Variants in UBR4 observed in about 807,000 individuals in gnomAD.
UBR4 encodes ubiquitin protein ligase E3 component n-recognin 4, also known as E3 ubiquitin-protein ligase UBR4.
A neutral mutation model predicts 575.6 loss-of-function variants in UBR4; 124 were observed. That is an observed-to-expected ratio of 0.22 (90% CI 0.19 to 0.25). UBR4 has a LOEUF of 0.25. UBR4 is among the 10% of genes least tolerant of loss of function. The pLI, the probability that UBR4 is intolerant of heterozygous loss-of-function variation, is 1.00. For missense variants in UBR4, 4,818 were observed against 6,478.8 expected, an observed-to-expected ratio of 0.74 and a Z score of 8.80; for synonymous variants, 2,455 against 2,473.7, an observed-to-expected ratio of 0.99 and a Z score of 0.22.
intron 1 of UBR4, among the ~76,000 whole-genome samples, chr1:19,204,188 G>A (rs951375048): frequency 9.9e-5 from 15 of 151,780 alleles, no homozygotes; most frequent in Non-Finnish European, 2.1e-4. Context: ...TTTTTTAGTA[G>A]AGATGGGGTT....
chr1:19,106,610 G>A lies in UBR4; in HGVS notation c.12352C>T (p.Pro4118Ser), dbSNP rs1267663759. 6.3e-7 allele frequency: 1 copy of A among 1,597,120 alleles called. No homozygotes were observed. The highest frequency in any genetic ancestry group is 8.5e-7 in the Non-Finnish European group (1 of 1,172,168). Residue 4118 changes from proline (P) to serine (S), a missense_variant, in exon 83 of 106, where the codon CCC becomes TCC. Transcript: ENST00000375254. The stretch of plus-strand genomic sequence containing the variant: ...TTATGCCCCAGTTTGAGATCCAAGG[G>A]GGAGGTCCTCTTCCCCCGACGACTC... ...FLSRRGKRTS[P>S]LDLKLGHNNW...
Position 19,183,901 on chromosome 1 carries a change from A to G in UBR4, c.2099-5T>C, listed in dbSNP as rs2091267788. ...CAAACTCTTCATCTGATGAACCTTA[A>G]AGACAAGTAGAAAAGCCAATTATTT... On this transcript the variant is annotated splice_region_variant and splice_polypyrimidine_tract_variant and intron_variant, in intron 16 of 105. Coordinates refer to ENST00000375254, the MANE Select transcript of UBR4 (RefSeq NM_020765.3). 6.2e-7 allele frequency: 1 copy of G among 1,614,014 alleles called. No individual in the cohort carries two copies. Among genetic ancestry groups the G allele is most frequent in the African/African-American group, 1.3e-5 (1 of 74,920 alleles).
chr1:19,198,941 C>G lies in UBR4; in HGVS notation c.379-13G>C. 6.2e-7 allele frequency: 1 copy of G among 1,607,952 alleles called. No individual in the cohort carries two copies. The highest frequency in any genetic ancestry group is 1.3e-5 in the African/African-American group (1 of 74,614). ...GAATCAAGTGTTTCTGAAAAGAAAA[C>G]AAATGCAAACAAAAGAAAACAAAAA... is the stretch of plus-strand genomic sequence containing the variant. On this transcript the variant is annotated splice_polypyrimidine_tract_variant and intron_variant, in intron 3 of 105. Transcript: ENST00000375254.
Position 19,153,474 on chromosome 1 carries a change from G to A in UBR4, c.6659C>T (p.Thr2220Met), listed in dbSNP as rs746792784. 3.1e-5 allele frequency: 50 copies of A among 1,613,964 alleles called. No individual in the cohort carries two copies. The highest frequency in any genetic ancestry group is 2.1e-4 in the South Asian group (19 of 91,086). Residue 2220 changes from threonine (T) to methionine (M), a missense_variant, in exon 46 of 106, where the codon ACG becomes ATG. By Grantham distance (81) the Thr-to-Met change is moderately conservative. Around this residue, in one of 29 missense-constraint regions of UBR4, gnomAD observed 461 missense variants for 606.9 expected, o/e 0.76. Coordinates refer to ENST00000375254, the MANE Select transcript of UBR4 (RefSeq NM_020765.3). The surrounding 1 kb of genome is among the most constrained non-coding windows in gnomAD (Gnocchi z 4.1). ...TGTCCGCTGCTGCTCATTGCAGGCCGTGTGCCTAATAGCAACCATGTCTTG... is the reference window on the plus strand; with the variant it reads ...TGTCCGCTGCTGCTCATTGCAGGCCATGTGCCTAATAGCAACCATGTCTTG... ...KIQDMVAIRHTACNEQQRTTM... is the reference protein window; with the variant it reads ...KIQDMVAIRHMACNEQQRTTM...
chr1:19,129,115 C>T (rs1176378548), intron 60 of UBR4, 41 bp from the exon 61 acceptor site: 1 of 1,560,142 alleles, frequency 6.4e-7, no homozygotes, highest in Non-Finnish European at 8.8e-7. Context: ...GAGCTGTACT[C>T]CAACAGGACA....
chr1:19,161,940 C>T, intron 35 of UBR4, 43 bp from the exon 36 acceptor site: 1 of 1,607,408 alleles, frequency 6.2e-7, no homozygotes, highest in Non-Finnish European at 8.5e-7. Flanking sequence ...TATATCCCTG[C>T]ATATAAACAC....
intron 64 of UBR4, among the ~76,000 whole-genome samples, chr1:19,125,318 C>A (rs1429501686): frequency 1.3e-5 from 2 of 152,218 alleles, no homozygotes; most frequent in Admixed American, 1.3e-4. Flanking sequence ...AGTTCTGTAT[C>A]AAGCACTGGA....
chr1:19,126,739 C>A (rs1369403896), intron 63 of UBR4, 84 bp from the exon 64 acceptor site: 12 of 1,396,258 alleles, frequency 8.6e-6, no homozygotes, highest in South Asian at 6.1e-5. Flanking sequence ...GGATGGGAAA[C>A]ACACTCACAA....
chr1:19,151,457 C>T (rs1212740641), intron 48 of UBR4, 186 bp downstream of exon 48: 7 of 664,002 alleles, frequency 1.1e-5, no homozygotes, highest in South Asian at 3.7e-5. Context: ...TACCATGCTC[C>T]GGTGTACTCC....
rs763227515 is a variant in UBR4, at chr1:19,172,937, T to C, written c.3448A>G (p.Lys1150Glu). 1 of 1,614,072 alleles carries C rather than the reference T, an allele frequency of 6.2e-7. No homozygotes were observed. Among genetic ancestry groups the C allele is most frequent in the East Asian group, 2.2e-5 (1 of 44,884 alleles). ...SKMAAETDPH[K>E]SSEITKNLLP... Reference sequence around the variant, plus strand: ...AGGTTCTTGGTAATCTCAGACGACTTATGAGGATCAGTCTCAGCAGCCATC... The same window carrying C: ...AGGTTCTTGGTAATCTCAGACGACTCATGAGGATCAGTCTCAGCAGCCATC... Residue 1150 changes from lysine to glutamate, a missense_variant, in exon 25 of 106, where the codon AAG (lysine) becomes GAG (glutamate). By Grantham distance (56) the Lys-to-Glu change is moderately conservative (BLOSUM62 1). Around this residue, in one of 29 missense-constraint regions of UBR4, gnomAD observed 1,172 missense variants for 1,259.7 expected, o/e 0.93. Transcript: ENST00000375254.
At chr1:19,080,580 C>G (rs1283889116) in intron 103 of UBR4, 3 of 152,226 alleles carry the variant, frequency 2.0e-5, no homozygotes, top group Admixed American at 6.5e-5. Context: ...AGAAATGAAG[C>G]AGAGGCACAT....
In UBR4 at chr1:19,157,886, C is replaced by A. The variant is rs1169940793; in HGVS notation, c.5689G>T (p.Val1897Leu). 1 of 1,614,136 alleles carries A rather than the reference C, an allele frequency of 6.2e-7. No individual in the cohort carries two copies. Among genetic ancestry groups the A allele is most frequent in the Admixed American group, 1.7e-5 (1 of 60,016 alleles). The stretch of plus-strand genomic sequence containing the variant: ...GGAGAGGAGAGCACACACATAGCCA[C>A]CCGCCTGAGCACATGAGCACTGATC... ...QLISAHVLRR[V>L]AMCVLSSPHG... is the part of the protein sequence containing the mutation. Residue 1897 changes from valine to leucine, a missense_variant, in exon 40 of 106, where the codon GTG becomes TTG. By Grantham distance (32) the Val-to-Leu change is conservative. Transcript: ENST00000375254. The surrounding 1 kb of genome is among the most constrained non-coding windows in gnomAD (Gnocchi z 4.4).
rs1179046252 is a variant in UBR4, at chr1:19,151,673, G to A, written c.7183C>T (p.Leu2395=). Residue 2395 remains leucine (L), a synonymous_variant, in exon 48 of 106, where the codon CTG becomes TTG. Transcript: ENST00000375254. ...AGGTTCAGCTTCTTATCAGCCTGCA[G>A]GGCTTCTTCTCTGGTGAAGGGGAAG... is the stretch of plus-strand genomic sequence containing the variant. ...FDFPFTREEA[L]QADKKLNLFI... is the part of the protein sequence containing the mutation. 6.2e-7 allele frequency: 1 copy of A among 1,614,194 alleles called. No homozygotes were observed. The highest frequency in any genetic ancestry group is 1.3e-5 in the African/African-American group (1 of 75,056).
chr1:19,091,350 T>G (rs2077496004), intron 97 of UBR4, among the ~76,000 whole-genome samples: 1 of 152,218 alleles, frequency 6.6e-6, no homozygotes, highest in South Asian at 2.1e-4. Flanking sequence ...CAGTGAAGAA[T>G]CTTTACTGTA....
chr1:19,139,332 A>T lies in UBR4; in HGVS notation c.8594-112T>A. ...GAAAGCATCAAACCACATAGTGCAT[A>T]GGACACAATGCAGTTTATATATCCT... On this transcript the variant is annotated intron_variant, in intron 58 of 105. Transcript: ENST00000375254. The surrounding 1 kb of genome is among the most constrained non-coding windows in gnomAD (Gnocchi z 4.2). 7.5e-7 allele frequency: 1 copy of T among 1,334,320 alleles called. No homozygotes were observed. The highest frequency in any genetic ancestry group is 9.9e-7 in the Non-Finnish European group (1 of 1,014,026). 82.7% of individuals were successfully genotyped at this position (1,334,320 alleles called of 1,614,324 possible). A position where few individuals can be genotyped will look rare whatever the true frequency, so the allele number is the denominator to read the frequency against.
At chr1:19,207,471 A>T (rs1412493616) in intron 1 of UBR4, among the ~76,000 whole-genome samples, 1 of 152,210 alleles carries the variant, frequency 6.6e-6, no homozygotes, top group African/African-American at 2.4e-5. Flanking sequence ...TCTACTACAA[A>T]TACAAAAATT....
At position 19,196,667 on chromosome 1, in the gene UBR4, T is replaced by C. The variant is rs113305164; in HGVS notation, c.1018+474A>G. Among the ~76,000 whole-genome samples, 167 of 152,354 alleles carry C rather than the reference T, an allele frequency of 1.1e-3. 2 individuals carry two copies. Among genetic ancestry groups the C allele is most frequent in the African/African-American group, 3.7e-3 (155 of 41,588 alleles). The stretch of plus-strand genomic sequence containing the variant: ...TTTATCAGTATAAACAGATACCACC[T>C]GTTCCACGAAGCCTTCTTCAAACCT... On this transcript the variant is annotated intron_variant, in intron 8 of 105. Transcript: ENST00000375254.
At chr1:19,144,975 C>G (rs545067293) in intron 53 of UBR4, 68 bp from the exon 54 acceptor site, 2 of 1,585,860 alleles carry the variant, frequency 1.3e-6, no homozygotes, top group Non-Finnish European at 1.7e-6. Flanking sequence ...GAGTCTGAGA[C>G]AAAAGTGTAA....
intron 57 of UBR4, 45 bp downstream of exon 57, chr1:19,141,302 T>C (rs774062782): frequency 1.7e-5 from 28 of 1,613,156 alleles, no homozygotes; most frequent in Non-Finnish European, 2.3e-5. Context: ...CCTCTTTTCC[T>C]GTGCAAGGCC....
Sources: gnomAD v4.1 joint callset for allele counts (sites outside exome capture counted in the v4.1 genomes callset) on GRCh38, gnomAD v4.1.1 for gene constraint, gnomAD v4.1.1 regional missense constraint, Gnocchi (gnomAD v3.1) non-coding constraint, MANE v1.5 for transcripts, NCBI Gene and HGNC (gene_info 2026-07-23, HGNC 2026-07-21) for gene names.